The following NGLY1 variants were observed in gnomAD, a reference collection of about 807,000 sequenced individuals.
NGLY1 encodes N-glycanase 1, also known as peptide-N(4)-(N-acetyl-beta-glucosaminyl)asparagine amidase.
NGLY1 carries 68 observed loss-of-function variants against 84.6 expected under a neutral mutation model. The observed-to-expected ratio is 0.80, with a 90% CI of 0.66 to 0.98. NGLY1 has a LOEUF of 0.98. Ranked by LOEUF, NGLY1 falls within the 50% of genes least tolerant of loss-of-function variation. The pLI is 0.00. For synonymous variants in NGLY1, 280 were observed against 275.2 expected, an observed-to-expected ratio of 1.02 and a Z score of -0.17; for missense variants, 779 against 770.2, an observed-to-expected ratio of 1.01 and a Z score of -0.14.
intron 5 of NGLY1, among the ~76,000 whole-genome samples, chr3:25,739,210 T>C (rs1319729473): frequency 6.6e-6 from 1 of 152,212 alleles, no homozygotes; most frequent in Admixed American, 6.5e-5. Context: ...TTTATAGCAT[T>C]AAACATGTTA....
At chr3:25,762,331 G>T (rs1164997387) in intron 3 of NGLY1, among the ~76,000 whole-genome samples, 1 of 152,094 alleles carries the variant, frequency 6.6e-6, no homozygotes, top group Non-Finnish European at 1.5e-5. Flanking sequence ...AACTAATGAT[G>T]AAAGCATAAT....
chr3:25,764,749 CAT>C (rs1391945135), intron 2 of NGLY1, among the ~76,000 whole-genome samples: 1 of 152,150 alleles, frequency 6.6e-6, no homozygotes, highest in African/African-American at 2.4e-5. Context: ...TCCAGGGTCA[CAT>C]AAAACCAACA....
intron 11 of NGLY1, 103 bp downstream of exon 11, chr3:25,719,911 A>T: frequency 5.9e-6 from 6 of 1,016,198 alleles, no homozygotes; most frequent in Non-Finnish European, 8.4e-6. Flanking sequence ...AATAGTATTA[A>T]TAACTCTTAG....
intron 4 of NGLY1, chr3:25,749,772 A>G: frequency 7.1e-7 from 1 of 1,413,432 alleles, no homozygotes; most frequent in Non-Finnish European, 9.9e-7. Flanking sequence ...AACAAAACTT[A>G]CTGTGCTGAG....
At chr3:25,729,049 A>G in intron 10 of NGLY1, 84 bp downstream of exon 10, 1 of 977,192 alleles carries the variant, frequency 1.0e-6, no homozygotes, top group Non-Finnish European at 1.4e-6. Flanking sequence ...CAGTTTTCAT[A>G]TTTTACACAA....
chr3:25,755,590 T>C, intron 3 of NGLY1: 2 of 1,460,150 alleles, frequency 1.4e-6, no homozygotes, highest in Middle Eastern at 1.7e-4. Context: ...CTTATTCCCA[T>C]CAACATGGTT....
intron 2 of NGLY1, among the ~76,000 whole-genome samples, chr3:25,765,489 A>G (rs961188526): frequency 6.6e-6 from 1 of 151,594 alleles, no homozygotes; most frequent in Non-Finnish European, 1.5e-5. Flanking sequence ...AACAGTCTGT[A>G]GTACACAGAC....
intron 2 of NGLY1, among the ~76,000 whole-genome samples, chr3:25,770,145 C>G (rs1296682545): frequency 6.6e-6 from 1 of 152,076 alleles, no homozygotes; most frequent in Non-Finnish European, 1.5e-5. Context: ...GAGTAGTATT[C>G]ATAGTATTCC....
chr3:25,786,436 A>G (rs1708604776), upstream of NGLY1, among the ~76,000 whole-genome samples: 1 of 152,212 alleles, frequency 6.6e-6, no homozygotes, highest in East Asian at 1.9e-4. Context: ...ATAAATAAAT[A>G]AAAGAACAAG....
At chr3:25,719,914 A>G (rs1206517364) in intron 11 of NGLY1, 100 bp downstream of exon 11, 5 of 1,031,906 alleles carry the variant, frequency 4.8e-6, no homozygotes, top group Non-Finnish European at 5.5e-6. Flanking sequence ...AGTATTAATA[A>G]CTCTTAGGTA....
At chr3:25,764,631 C>CA (rs111925853) in intron 2 of NGLY1, among the ~76,000 whole-genome samples, 10 of 151,326 alleles carry the variant, frequency 6.6e-5, no homozygotes, top group African/African-American at 2.4e-4. Context: ...ATAAGGGTTG[C>CA]AAAAATGCAT....
At chr3:25,759,319 GAAA>G (rs759612741) in intron 3 of NGLY1, among the ~76,000 whole-genome samples, 1 of 82,276 alleles carries the variant, frequency 1.2e-5, no homozygotes, top group Non-Finnish European at 2.6e-5. Flanking sequence ...TATAGAAACA[GAAA>G]AAAAAAAAAA....
At chr3:25,733,688 T>C (rs1457496910) in intron 8 of NGLY1, among the ~76,000 whole-genome samples, 184 bp downstream of exon 8, 1 of 152,002 alleles carries the variant, frequency 6.6e-6, no homozygotes, top group African/African-American at 2.4e-5. Flanking sequence ...TTAAAATGAG[T>C]CCGCAAAATT....
chr3:25,733,513 G>A (rs922995688), intron 8 of NGLY1, among the ~76,000 whole-genome samples: 16 of 128,180 alleles, frequency 1.2e-4, no homozygotes, highest in Admixed American at 1.0e-3. Flanking sequence ...GTGTGTGTGT[G>A]TGTATGTACA....
chr3:25,730,729 T>C (rs1440499116), intron 9 of NGLY1, among the ~76,000 whole-genome samples: 1 of 152,168 alleles, frequency 6.6e-6, no homozygotes, highest in Admixed American at 6.5e-5. Flanking sequence ...ATAAAATTTA[T>C]TAGTGATAAT....
chr3:25,761,725 A>C (rs899319701), intron 3 of NGLY1, among the ~76,000 whole-genome samples: 1 of 152,230 alleles, frequency 6.6e-6, no homozygotes, highest in Non-Finnish European at 1.5e-5. Context: ...AAGAGAAATA[A>C]AAACATATGT....
In NGLY1 at chr3:25,719,143, ATAATCATGAATAGCATT is replaced by A. The variant is rs1704850065; in HGVS notation, c.*300_*316del. ...ACTATCATAAGCCCAAGATTTTATC[ATAATCATGAATAGCATT>A]TAATCATGAATATCATTATTTAACT... On this transcript the variant is annotated 3_prime_UTR_variant, in exon 12 of 12. Coordinates refer to ENST00000280700, the MANE Select transcript of NGLY1 (RefSeq NM_018297.4). The A allele has an allele frequency of 5.6e-6, 1 of 178,998 alleles. No homozygotes were observed. Among genetic ancestry groups the A allele is most frequent in the Admixed American group, 6.0e-5 (1 of 16,558 alleles). The allele number at this position is 178,998 out of a possible 1,614,324, so 11.1% of individuals were successfully genotyped here. A position where few individuals can be genotyped will look rare whatever the true frequency, so the allele number is the denominator to read the frequency against.
chr3:25,735,606 G>A (rs890578573), intron 7 of NGLY1: 4 of 154,702 alleles, frequency 2.6e-5, no homozygotes, highest in South Asian at 2.0e-4. Context: ...GCACAACCAC[G>A]TTGGAAAATA....
In NGLY1 at chr3:25,768,587, G is replaced by A. The variant is rs533741424; in HGVS notation, c.247-4276C>T. Among the ~76,000 whole-genome samples, 141 of 137,608 alleles carry A rather than the reference G, an allele frequency of 1.0e-3. 1 individual carries two copies. The highest frequency in any genetic ancestry group is 3.4e-3 in the African/African-American group (127 of 37,064). 90.3% of individuals were successfully genotyped at this position (137,608 alleles called of 152,430 possible). On this transcript the variant is annotated intron_variant, in intron 2 of 11. Coordinates refer to ENST00000280700, the MANE Select transcript of NGLY1 (RefSeq NM_018297.4). ...TTTTTTTTTTTTTTTTTTTTTTAGC[G>A]GAGTCTCACTGTGTCGCCGAGGCTG...
Sources: allele counts gnomAD v4.1 joint callset (sites outside exome capture counted in the v4.1 genomes callset), GRCh38; gene constraint gnomAD v4.1.1; transcripts MANE v1.5; gene names NCBI Gene and HGNC (gene_info 2026-07-23, HGNC 2026-07-21).